Variants in SKIC3 observed in about 807,000 individuals in gnomAD.
SKIC3 encodes the protein superkiller complex protein 3.
the SKIC3 span, among the ~76,000 whole-genome samples, chr5:95,482,139 G>A: frequency 6.6e-6 from 1 of 152,146 alleles, no homozygotes; most frequent in African/African-American, 2.4e-5. Context: ...CATATCTCCT[G>A]TAAAAGCAGA....
At chr5:95,543,322 C>T in the SKIC3 span, 1 of 1,613,834 alleles carries the variant, frequency 6.2e-7, no homozygotes, top group East Asian at 2.2e-5. Flanking sequence ...CTTGCTTTAA[C>T]ACTGTCTGAT....
At chr5:95,525,736 TTTAA>T in the SKIC3 span, 1 of 1,498,884 alleles carries the variant, frequency 6.7e-7, no homozygotes, top group South Asian at 1.1e-5. Context: ...CAATGTTTGC[TTTAA>T]TTAACGAACG....
the SKIC3 span, among the ~76,000 whole-genome samples, chr5:95,514,098 C>T: frequency 2.6e-5 from 4 of 152,096 alleles, no homozygotes; most frequent in Non-Finnish European, 4.4e-5. Flanking sequence ...GCTTGCTTCA[C>T]CAATTAACTA....
the SKIC3 span, chr5:95,491,058 T>C: frequency 1.9e-6 from 3 of 1,613,248 alleles, no homozygotes; most frequent in South Asian, 2.2e-5. Context: ...AAATACACAG[T>C]GATAAGTCTT....
the SKIC3 span, among the ~76,000 whole-genome samples, chr5:95,536,310 C>G: frequency 6.6e-6 from 1 of 152,232 alleles, no homozygotes; most frequent in Non-Finnish European, 1.5e-5. Flanking sequence ...TCTTATGACA[C>G]TGTGACATAA....
At chr5:95,516,505 T>C in the SKIC3 span, 2 of 1,613,124 alleles carry the variant, frequency 1.2e-6, no homozygotes, top group East Asian at 2.2e-5. Context: ...TTCTTTTTCA[T>C]AGACACATAG....
At chr5:95,549,783 G>A in the SKIC3 span, among the ~76,000 whole-genome samples, 4 of 151,368 alleles carry the variant, frequency 2.6e-5, no homozygotes, top group African/African-American at 9.7e-5. Flanking sequence ...AAAGGGAAAC[G>A]TCCATTCACC....
chr5:95,500,443 A>G, the SKIC3 span, among the ~76,000 whole-genome samples: 28 of 152,282 alleles, frequency 1.8e-4, no homozygotes, highest in Middle Eastern at 0.017. Flanking sequence ...TGTCATACAA[A>G]TCGTTAGTTC....
the SKIC3 span, among the ~76,000 whole-genome samples, chr5:95,489,733 T>C: frequency 6.6e-6 from 1 of 152,116 alleles, no homozygotes; most frequent in African/African-American, 2.4e-5. Flanking sequence ...CAAACACCTA[T>C]AGTCTAAACA....
At chr5:95,478,089 C>T in the SKIC3 span, among the ~76,000 whole-genome samples, 29 of 152,142 alleles carry the variant, frequency 1.9e-4, 1 homozygote, top group South Asian at 5.4e-3. Context: ...CCCCAAACAT[C>T]GACAATATTC....
At chr5:95,493,199 T>C in the SKIC3 span, among the ~76,000 whole-genome samples, 1 of 152,230 alleles carries the variant, frequency 6.6e-6, no homozygotes, top group African/African-American at 2.4e-5. Flanking sequence ...CCACTACACA[T>C]AACTACAGTT....
the SKIC3 span, among the ~76,000 whole-genome samples, chr5:95,494,009 A>G: frequency 6.6e-6 from 1 of 152,090 alleles, no homozygotes; most frequent in Non-Finnish European, 1.5e-5. Flanking sequence ...AACAGTTACC[A>G]CATAAGATAC....
At chr5:95,554,528 G>T in the SKIC3 span, among the ~76,000 whole-genome samples, 1 of 152,154 alleles carries the variant, frequency 6.6e-6, no homozygotes, top group Admixed American at 6.5e-5. Context: ...TTTGCTCTCT[G>T]AAGGCAAGGA....
At chr5:95,540,814 TGCCATGTTCGA>T in the SKIC3 span, 1 of 1,613,990 alleles carries the variant, frequency 6.2e-7, no homozygotes, top group Non-Finnish European at 8.5e-7. Flanking sequence ...TATCAACTTG[TGCCATGTTCGA>T]GCCACCTATT....
chr5:95,469,637 A>C, the SKIC3 span: 5 of 1,138,466 alleles, frequency 4.4e-6, no homozygotes, highest in South Asian at 6.9e-5. Flanking sequence ...CTTCCAAAGT[A>C]GATACAGATA....
chr5:95,518,868 T>C, the SKIC3 span, among the ~76,000 whole-genome samples: 1 of 152,020 alleles, frequency 6.6e-6, no homozygotes, highest in East Asian at 1.9e-4. Flanking sequence ...TATTTGCAGT[T>C]TTTTGAGAAA....
At chr5:95,514,725 A>T in the SKIC3 span, 1 of 813,996 alleles carries the variant, frequency 1.2e-6, no homozygotes, top group Non-Finnish European at 2.0e-6. Flanking sequence ...GTATACAAAG[A>T]GCTAAGCACA....
the SKIC3 span, among the ~76,000 whole-genome samples, chr5:95,466,579 T>C: frequency 6.6e-6 from 1 of 152,218 alleles, no homozygotes; most frequent in African/African-American, 2.4e-5. Context: ...GGGTATATCA[T>C]ATCCTGGTTT....
chr5:95,522,345 G>A, the SKIC3 span: 1 of 1,606,778 alleles, frequency 6.2e-7, no homozygotes, highest in Non-Finnish European at 8.5e-7. Flanking sequence ...TAAAAGTATG[G>A]AACTATCTCC....
Sources: gnomAD v4.1 joint callset for allele counts (sites outside exome capture counted in the v4.1 genomes callset) on GRCh38, gnomAD v4.1.1 for gene constraint, MANE v1.5 for transcripts, NCBI Gene and HGNC (gene_info 2026-07-23, HGNC 2026-07-21) for gene names.